Variants in HERC1 observed in about 807,000 individuals in gnomAD.
HERC1 encodes the protein HECT and RLD domain containing E3 ubiquitin protein ligase family member 1.
In HERC1, 160 loss-of-function variants were observed where a neutral mutation model predicts 554.3. That is an observed-to-expected ratio of 0.29 (90% confidence interval 0.25 to 0.33). The LOEUF is 0.33. Among genes scored for constraint, HERC1 ranks in the 10% least tolerant of loss-of-function variants. HERC1 has a pLI of 1.00. For missense variants in HERC1, 4,919 were observed against 5,918.5 expected (o/e 0.83, Z 5.54); for synonymous variants, 2,175 against 2,131.7 (o/e 1.02, Z -0.56).
Position 63,634,823 on chromosome 15 carries a change from A to G in HERC1, c.12480T>C (p.Asn4160=). 6.2e-7 allele frequency: 1 copy of G among 1,613,032 alleles called. No homozygotes were observed. The highest frequency in any genetic ancestry group is 1.7e-5 in the Admixed American group (1 of 59,996). ...CAAGACCCAGACGACCATAGTCACC[A>G]TTCCCAAAGGTGAACAGTTTGCCAT... ...TSDGKLFTFG[N]GDYGRLGLGN... Residue 4160 remains asparagine, a synonymous_variant, in exon 66 of 78, where the codon AAT becomes AAC. Transcript: ENST00000443617.
chr15:63,694,644 CTAAAT>C lies in HERC1; in HGVS notation c.5243-100_5243-96del. The C allele has an allele frequency of 7.0e-7, 1 of 1,430,466 alleles. No homozygotes were observed. The highest frequency in any genetic ancestry group is 1.2e-5 in the South Asian group (1 of 82,430). The allele number at this position is 1,430,466 out of a possible 1,614,324, so 88.6% of individuals were successfully genotyped here. On this transcript the variant is annotated intron_variant, in intron 28 of 77. Coordinates refer to ENST00000443617, the MANE Select transcript of HERC1 (RefSeq NM_003922.4). The surrounding 1 kb of genome is among the most constrained non-coding windows in gnomAD (Gnocchi z 4.3). ...TCTAAAATATTAATAACATGAAACACTAAATTATTTATTCTTTACCTATAAGTTTA... is the reference window on the plus strand; with the variant it reads ...TCTAAAATATTAATAACATGAAACACTATTTATTCTTTACCTATAAGTTTA...
At chr15:63,616,403 T>C (rs1295550363) in intron 75 of HERC1, 27 bp downstream of exon 75, 1 of 1,602,910 alleles carries the variant, frequency 6.2e-7, no homozygotes, top group African/African-American at 1.3e-5. Flanking sequence ...TCAACACCAG[T>C]AGAAACATAG....
In HERC1 at chr15:63,756,380, GTCAATTACAAC is replaced by G; in HGVS notation, c.1533+46_1533+56del. 1.4e-6 allele frequency: 2 copies of G among 1,393,128 alleles called. No individual in the cohort carries two copies. The highest frequency in any genetic ancestry group is 2.0e-6 in the Non-Finnish European group (2 of 1,008,972). The allele number at this position is 1,393,128 out of a possible 1,614,324, so 86.3% of individuals were successfully genotyped here. ...AACACATCAAAATCTGAACGACATT[GTCAATTACAAC>G]TCCAATGCATCTAATTATTTTTATA... On this transcript the variant is annotated intron_variant, in intron 5 of 77. Coordinates refer to ENST00000443617, the MANE Select transcript of HERC1 (RefSeq NM_003922.4). The surrounding 1 kb of genome is among the most constrained non-coding windows in gnomAD (Gnocchi z 5.0).
chr15:63,829,870 C>CA (rs2078097844), intron 1 of HERC1, among the ~76,000 whole-genome samples: 1 of 151,450 alleles, frequency 6.6e-6, no homozygotes, highest in East Asian at 1.9e-4. Context: ...ACAATTTGAA[C>CA]AACAAAATAA....
At chr15:63,666,777 A>G (rs2070665287) in intron 40 of HERC1, among the ~76,000 whole-genome samples, 1 of 152,188 alleles carries the variant, frequency 6.6e-6, no homozygotes, top group Non-Finnish European at 1.5e-5. Context: ...TCTCAAAATC[A>G]ATACTCATGT....
intron 76 of HERC1, among the ~76,000 whole-genome samples, chr15:63,614,062 G>C (rs1000154011): frequency 6.6e-6 from 1 of 151,542 alleles, no homozygotes; most frequent in Non-Finnish European, 1.5e-5. Flanking sequence ...ACTGAGGACA[G>C]TTATGGGATA....
chr15:63,629,939 GTC>G (rs2068473374), intron 69 of HERC1, among the ~76,000 whole-genome samples: 1 of 152,138 alleles, frequency 6.6e-6, no homozygotes, highest in South Asian at 2.1e-4. Context: ...AACCTCTTGA[GTC>G]TCTTATCAGT....
intron 1 of HERC1, among the ~76,000 whole-genome samples, chr15:63,789,116 A>C (rs2076549932): frequency 1.1e-5 from 1 of 94,672 alleles, no homozygotes; most frequent in Admixed American, 1.7e-4. Context: ...TTTGAGACGG[A>C]GTCTCGCTCT....
In HERC1 at chr15:63,608,924, T is replaced by G; in HGVS notation, c.*157A>C. ...TCACAGAAAAATAAAAACATCTAAT[T>G]TCTTTGTTACATTTAGAGTAACTAA... On this transcript the variant is annotated 3_prime_UTR_variant, in exon 78 of 78. Coordinates refer to ENST00000443617, the MANE Select transcript of HERC1 (RefSeq NM_003922.4). 1.8e-6 allele frequency: 1 copy of G among 552,002 alleles called. No homozygotes were observed. Among genetic ancestry groups the G allele is most frequent in the Non-Finnish European group, 2.9e-6 (1 of 348,526 alleles). The allele number at this position is 552,002 out of a possible 1,614,324, so 34.2% of individuals were successfully genotyped here. A position where few individuals can be genotyped will look rare whatever the true frequency, so the allele number is the denominator to read the frequency against.
At chr15:63,803,327 G>A (rs1596294579) in intron 1 of HERC1, among the ~76,000 whole-genome samples, 1 of 152,190 alleles carries the variant, frequency 6.6e-6, no homozygotes. Flanking sequence ...AATTGATAGA[G>A]TAAGGATTCA....
At chr15:63,833,278 G>C (rs1366247020) in intron 1 of HERC1, among the ~76,000 whole-genome samples, 1 of 152,206 alleles carries the variant, frequency 6.6e-6, no homozygotes, top group Non-Finnish European at 1.5e-5. Context: ...CAGATGATGA[G>C]CTGCCCTCAC....
Position 63,734,495 on chromosome 15 carries a change from C to A in HERC1, c.2646+229G>T, listed in dbSNP as rs537205319. ...GTGTCTGGCTTAGTACCATAAGAAA[C>A]ACTGGAAAAATTAGTCCTTATTTTA... On this transcript the variant is annotated intron_variant, in intron 13 of 77. Transcript: ENST00000443617. This position sits in a 1 kb window ranked among gnomAD's most constrained non-coding sequence, Gnocchi z 4.6. 1 of 321,578 alleles carries A rather than the reference C, an allele frequency of 3.1e-6. No homozygotes were observed. Among genetic ancestry groups the A allele is most frequent in the South Asian group, 5.6e-5 (1 of 18,000 alleles). 19.9% of individuals were successfully genotyped at this position (321,578 alleles called of 1,614,324 possible).
chr15:63,704,362 G>T (rs757096809), intron 25 of HERC1, among the ~76,000 whole-genome samples: 1 of 152,140 alleles, frequency 6.6e-6, no homozygotes, highest in Non-Finnish European at 1.5e-5. Flanking sequence ...GGTTAACACA[G>T]ACTGAATCTC....
At chr15:63,750,688 T>C (rs1277448093) in intron 8 of HERC1, among the ~76,000 whole-genome samples, 1 of 152,136 alleles carries the variant, frequency 6.6e-6, no homozygotes, top group African/African-American at 2.4e-5. Flanking sequence ...TCCCAGCACG[T>C]TGGGAGGCTA....
Position 63,786,917 on chromosome 15 carries a change from A to ATTT in HERC1, c.-26-11269_-26-11268insAAA, listed in dbSNP as rs1378851561. Among the ~76,000 whole-genome samples the ATTT allele has an allele frequency of 6.2e-3, 781 of 126,588 alleles. 8 individuals carry two copies. Among genetic ancestry groups the ATTT allele is most frequent in the Non-Finnish European group, 8.4e-3 (498 of 59,434 alleles). The allele number at this position is 126,588 out of a possible 152,430, so 83.0% of individuals were successfully genotyped here. ...GATGTGAACTTCAACTCAATAAATTATTATTTTTTTTTTTTTTATTTTTTG... is the reference window on the plus strand; with the variant it reads ...GATGTGAACTTCAACTCAATAAATTATTTTTATTTTTTTTTTTTTTATTTTTTG... On this transcript the variant is annotated intron_variant, in intron 1 of 77. Transcript: ENST00000443617.
At chr15:63,723,680 G>A (rs771940672) in intron 18 of HERC1, among the ~76,000 whole-genome samples, 4 of 152,072 alleles carry the variant, frequency 2.6e-5, no homozygotes, top group Non-Finnish European at 4.4e-5. Context: ...TGTCCTACAC[G>A]TGCAATGGTC....
intron 74 of HERC1, among the ~76,000 whole-genome samples, chr15:63,620,503 A>T (rs568183215): frequency 6.6e-6 from 1 of 152,190 alleles, no homozygotes; most frequent in Non-Finnish European, 1.5e-5. Context: ...GTAGATATCT[A>T]TTAGGTCTGC....
At chr15:63,676,517 G>A (rs1486014972) in intron 37 of HERC1, among the ~76,000 whole-genome samples, 1 of 152,090 alleles carries the variant, frequency 6.6e-6, no homozygotes, top group Non-Finnish European at 1.5e-5. Flanking sequence ...AGCACTTTGG[G>A]AGGCCGAGGC....
chr15:63,783,515 C>T (rs2076347889), intron 1 of HERC1, among the ~76,000 whole-genome samples: 1 of 151,566 alleles, frequency 6.6e-6, no homozygotes. Context: ...CCTTTATATA[C>T]ACTGAGAAAC....
Sources: allele counts gnomAD v4.1 joint callset (sites outside exome capture counted in the v4.1 genomes callset), GRCh38; gene constraint gnomAD v4.1.1; non-coding constraint Gnocchi (gnomAD v3.1); transcripts MANE v1.5; gene names NCBI Gene and HGNC (gene_info 2026-07-23, HGNC 2026-07-21).